SMAP1: variants seen among roughly 807,000 people sequenced by gnomAD.
SMAP1 encodes stromal membrane-associated protein 1.
In SMAP1, 24 loss-of-function variants were observed where a neutral mutation model predicts 58.5. The observed-to-expected ratio is 0.41, with a 90% CI of 0.30 to 0.58. The LOEUF is 0.58. Ranked by LOEUF, SMAP1 falls within the 20% of genes least tolerant of loss-of-function variation. The pLI is 0.29. For synonymous variants in SMAP1, 216 were observed against 196.6 expected, an observed-to-expected ratio of 1.10 and a Z score of -0.82; for missense variants, 563 against 566.3, an observed-to-expected ratio of 0.99 and a Z score of 0.06.
chr6:70,687,288 C>A (rs1025337579), intron 1 of SMAP1, among the ~76,000 whole-genome samples: 1 of 152,130 alleles, frequency 6.6e-6, no homozygotes, highest in African/African-American at 2.4e-5. Context: ...TGATGAATTT[C>A]TTTGCCATGT....
At chr6:70,857,890 C>G (rs776390021) in intron 9 of SMAP1, 32 bp from the exon 10 acceptor site, 6 of 1,603,408 alleles carry the variant, frequency 3.7e-6, no homozygotes, top group Non-Finnish European at 5.1e-6. Context: ...CGTGATAGCT[C>G]TGTCTTCATT....
chr6:70,737,527 A>T (rs550057821), intron 2 of SMAP1, among the ~76,000 whole-genome samples: 9 of 152,228 alleles, frequency 5.9e-5, no homozygotes, highest in South Asian at 4.1e-4. Flanking sequence ...CTACTTTAAT[A>T]AAAGATTCTT....
intron 3 of SMAP1, among the ~76,000 whole-genome samples, chr6:70,771,484 G>A (rs1011706854): frequency 6.0e-4 from 92 of 152,170 alleles, no homozygotes; most frequent in African/African-American, 2.1e-3. Context: ...CCTCCCTGCC[G>A]CCTTGCAGTT....
intron 1 of SMAP1, among the ~76,000 whole-genome samples, chr6:70,707,758 A>AC (rs1767896478): frequency 6.6e-6 from 1 of 152,160 alleles, no homozygotes; most frequent in Non-Finnish European, 1.5e-5. Context: ...GGCGCATGCC[A>AC]CCACACTAGC....
At chr6:70,731,295 AAG>A (rs1765422622) in intron 1 of SMAP1, among the ~76,000 whole-genome samples, 1 of 152,220 alleles carries the variant, frequency 6.6e-6, no homozygotes, top group Non-Finnish European at 1.5e-5. Flanking sequence ...ATTATTATGA[AAG>A]AATATATTCA....
chr6:70,729,951 A>G lies in SMAP1; in HGVS notation c.119-2427A>G, dbSNP rs568546691. Among the ~76,000 whole-genome samples, 6 of 152,348 alleles carry G rather than the reference A, an allele frequency of 3.9e-5. No individual in the cohort carries two copies. In the South Asian group the frequency reaches 1.2e-3, roughly 32 times the overall value. On this transcript the variant is annotated intron_variant, in intron 1 of 10. Coordinates refer to ENST00000370455, the MANE Select transcript of SMAP1 (RefSeq NM_001044305.3). ...AACCTTAGGAGCTACTCTGGGGGTC[A>G]CAGAATTAAGAGTCTTCATTTTCAT...
chr6:70,785,717 T>A (rs1295302723), intron 4 of SMAP1, among the ~76,000 whole-genome samples: 6 of 152,084 alleles, frequency 3.9e-5, no homozygotes, highest in Non-Finnish European at 8.8e-5. Context: ...ATGGATAAAT[T>A]CCTCGACACA....
intron 3 of SMAP1, among the ~76,000 whole-genome samples, chr6:70,758,227 G>T (rs1479410816): frequency 3.3e-5 from 5 of 151,760 alleles, no homozygotes; most frequent in Non-Finnish European, 7.4e-5. Flanking sequence ...GTAGGGACAT[G>T]GATGAAATTG....
chr6:70,858,268 C>A, intron 10 of SMAP1, 39 bp downstream of exon 10: 1 of 702,464 alleles, frequency 1.4e-6, no homozygotes, highest in Non-Finnish European at 2.3e-6. Flanking sequence ...CCAAATCAAA[C>A]CAGATTTATT....
At chr6:70,771,203 A>C (rs1365648886) in intron 3 of SMAP1, among the ~76,000 whole-genome samples, 1 of 152,240 alleles carries the variant, frequency 6.6e-6, no homozygotes, top group Non-Finnish European at 1.5e-5. Context: ...GTCAGGGGTC[A>C]GGGACCCACT....
rs922750357 is a variant in SMAP1, at chr6:70,773,537, A to G, written c.414+112A>G. On this transcript the variant is annotated intron_variant, in intron 4 of 10. Transcript: ENST00000370455. ...GAAAACATACTAGTTGTATATATTTACATTTGAATATTGGAACTTTTTTGG... is the reference window on the plus strand; with the variant it reads ...GAAAACATACTAGTTGTATATATTTGCATTTGAATATTGGAACTTTTTTGG... 5.0e-6 allele frequency: 3 copies of G among 596,018 alleles called. No homozygotes were observed. In the African/African-American group the frequency reaches 5.8e-5, roughly 12 times the overall value. The allele number at this position is 596,018 out of a possible 1,614,324, so 36.9% of individuals were successfully genotyped here. A position where few individuals can be genotyped will look rare whatever the true frequency, so the allele number is the denominator to read the frequency against.
At chr6:70,859,208 G>A in intron 10 of SMAP1, 1 of 619,514 alleles carries the variant, frequency 1.6e-6, no homozygotes, top group Non-Finnish European at 2.8e-6. Context: ...CTACCCGCTG[G>A]GAATCTAAAA....
chr6:70,812,868 G>A (rs976719238), intron 6 of SMAP1, among the ~76,000 whole-genome samples: 3 of 151,808 alleles, frequency 2.0e-5, no homozygotes, highest in Non-Finnish European at 4.4e-5. Context: ...TTCTATACTC[G>A]TGCCCCCAGT....
intron 6 of SMAP1, among the ~76,000 whole-genome samples, chr6:70,802,284 A>G (rs1768895972): frequency 6.6e-6 from 1 of 152,104 alleles, no homozygotes; most frequent in African/African-American, 2.4e-5. Flanking sequence ...GCAGTTGTGA[A>G]TGGGAATTCA....
At chr6:70,677,145 C>A (rs781991) in intron 1 of SMAP1, among the ~76,000 whole-genome samples, 65,103 of 146,446 alleles carry the variant, frequency 0.44, 14,495 homozygotes, top group South Asian at 0.51. Context: ...TAGTGTTTTT[C>A]TTTGTTTTTT....
intron 1 of SMAP1, among the ~76,000 whole-genome samples, chr6:70,721,709 A>G (rs1044130002): frequency 7.2e-5 from 11 of 152,214 alleles, no homozygotes; most frequent in Admixed American, 1.3e-4. Context: ...ACAGTTCCAC[A>G]TGGCTGGGGA....
intron 1 of SMAP1, among the ~76,000 whole-genome samples, chr6:70,721,985 C>T (rs1436343902): frequency 6.6e-6 from 1 of 152,170 alleles, no homozygotes; most frequent in Non-Finnish European, 1.5e-5. Context: ...CAAAGCATAT[C>T]ATCTCCTAAT....
chr6:70,776,400 C>T (rs1330074058), intron 4 of SMAP1, among the ~76,000 whole-genome samples: 1 of 152,140 alleles, frequency 6.6e-6, no homozygotes, highest in Non-Finnish European at 1.5e-5. Context: ...AGGATGGTCT[C>T]GATCTCTTGA....
chr6:70,729,032 C>A (rs192744331), intron 1 of SMAP1, among the ~76,000 whole-genome samples: 17 of 152,060 alleles, frequency 1.1e-4, no homozygotes, highest in Admixed American at 3.3e-4. Flanking sequence ...TTGAAAACAG[C>A]TTTTCTTTGA....
Sources: allele counts gnomAD v4.1 joint callset (sites outside exome capture counted in the v4.1 genomes callset), GRCh38; gene constraint gnomAD v4.1.1; transcripts MANE v1.5; gene names NCBI Gene and HGNC (gene_info 2026-07-23, HGNC 2026-07-21).